The following SMG1 variants were observed in gnomAD, a reference collection of about 807,000 sequenced individuals.
The protein encoded by SMG1 is serine/threonine-protein kinase SMG1.
SMG1 carries 22 observed loss-of-function variants against 419.9 expected under a neutral mutation model. The ratio of observed to expected loss-of-function variants is 0.05; its 90% CI spans 0.04 to 0.07. The LOEUF is 0.07. SMG1 is among the 10% of genes least tolerant of loss of function. The pLI is 1.00. For missense variants in SMG1, 3,185 were observed against 4,342.0 expected (o/e 0.73, Z 7.49); for synonymous variants, 1,538 against 1,553.5 (o/e 0.99, Z 0.23).
chr16:18,852,177 T>C lies in SMG1; in HGVS notation c.4942A>G (p.Arg1648Gly). Residue 1648 changes from arginine to glycine, a missense_variant, in exon 33 of 63, where the codon AGA (arginine) becomes GGA (glycine). This residue lies in a region of SMG1 where 493 missense variants were observed against 552.9 expected (regional missense o/e 0.89). Coordinates refer to ENST00000446231, the MANE Select transcript of SMG1 (RefSeq NM_015092.5). ...SQGEGVRLLP[R>G]EKSEVQNLLP... ...AGATTCTGAACTTCAGATTTTTCTC[T>C]AGGCAGCAGACGAACACCTTCTCCC... The C allele has an allele frequency of 6.2e-7, 1 of 1,613,844 alleles. No individual in the cohort carries two copies. The highest frequency in any genetic ancestry group is 8.5e-7 in the Non-Finnish European group (1 of 1,179,838).
At chr16:18,828,694 T>C (rs1378097995) in intron 54 of SMG1, among the ~76,000 whole-genome samples, 1 of 152,156 alleles carries the variant, frequency 6.6e-6, no homozygotes, top group East Asian at 1.9e-4. Flanking sequence ...TATGAATGAA[T>C]TCAACATTAA....
intron 22 of SMG1, 131 bp from the exon 23 acceptor site, chr16:18,866,906 T>G: frequency 3.2e-6 from 2 of 634,416 alleles, no homozygotes; most frequent in Non-Finnish European, 5.5e-6. Flanking sequence ...AATTTTCACA[T>G]TATTTAGCTC....
intron 1 of SMG1, among the ~76,000 whole-genome samples, chr16:18,914,226 C>CTATAATAGG (rs1447884281): frequency 6.6e-6 from 1 of 151,308 alleles, no homozygotes; most frequent in Non-Finnish European, 1.5e-5. Flanking sequence ...CAAAAAAAGT[C>CTATAATAGG]TATAATAGGT....
intron 60 of SMG1, among the ~76,000 whole-genome samples, chr16:18,812,781 A>G (rs2031590280): frequency 2.6e-5 from 4 of 151,904 alleles, no homozygotes; most frequent in Admixed American, 1.3e-4. Context: ...TTAACTCTTC[A>G]TTTACATTAG....
chr16:18,901,250 G>T (rs936524243), intron 1 of SMG1, among the ~76,000 whole-genome samples: 28 of 152,022 alleles, frequency 1.8e-4, no homozygotes, highest in Admixed American at 5.2e-4. Flanking sequence ...TTGAGACAGG[G>T]TCTCACTCTG....
intron 41 of SMG1, among the ~76,000 whole-genome samples, chr16:18,841,051 C>A (rs1247173007): frequency 6.6e-6 from 1 of 152,086 alleles, no homozygotes; most frequent in Non-Finnish European, 1.5e-5. Context: ...CAGAGCAAGA[C>A]CCTGTCCCTT....
At chr16:18,865,797 G>C (rs887327230) in intron 23 of SMG1, among the ~76,000 whole-genome samples, 1 of 151,740 alleles carries the variant, frequency 6.6e-6, no homozygotes, top group Non-Finnish European at 1.5e-5. Flanking sequence ...CAAGTAGCTG[G>C]GATTACACGT....
chr16:18,864,296 A>G (rs2035378693), intron 23 of SMG1, among the ~76,000 whole-genome samples, 152 bp from the exon 24 acceptor site: 4 of 149,026 alleles, frequency 2.7e-5, no homozygotes, highest in Admixed American at 2.0e-4. Context: ...CCTGGGTACA[A>G]GCGATTTTCC....
At position 18,836,091 on chromosome 16, in the gene SMG1, C is replaced by A; in HGVS notation, c.7899G>T (p.Val2633=). ...GCAGTTGCTCCAGACAGCCACGGAG[C>A]ACGGAGCGCCTCTGCTGCAGGAGAG... The part of the protein sequence containing the change: ...VGALLQQRRS[V]LRGCLEQLHH... The change falls in exon 48 of 63, where the codon GTG becomes GTT. Residue 2633 remains valine, a synonymous_variant. Transcript: ENST00000446231. 6.2e-7 allele frequency: 1 copy of A among 1,608,648 alleles called. No individual in the cohort carries two copies. Among genetic ancestry groups the A allele is most frequent in the Non-Finnish European group, 8.5e-7 (1 of 1,177,532 alleles).
In SMG1 at chr16:18,841,670, T is replaced by C. The variant is rs748343000; in HGVS notation, c.6591A>G (p.Pro2197=). 7 of 1,613,870 alleles carry C rather than the reference T, an allele frequency of 4.3e-6. No individual in the cohort carries two copies. Among genetic ancestry groups the C allele is most frequent in the African/African-American group, 4.0e-5 (3 of 74,914 alleles). ...RFHARHYSVT[P]LGTRSGLIQW... is the part of the protein sequence containing the mutation. ...GGATTAGTCCTGATCTTGTTCCTAG[T>C]GGTGTTACAGAATAGTGTCGAGCAT... Residue 2197 remains proline (P), a synonymous_variant, in exon 41 of 63, where the codon CCA becomes CCG. Transcript: ENST00000446231.
At chr16:18,910,596 C>A (rs1471373880) in intron 1 of SMG1, among the ~76,000 whole-genome samples, 4 of 152,008 alleles carry the variant, frequency 2.6e-5, no homozygotes, top group Non-Finnish European at 4.4e-5. Flanking sequence ...AACTCCTGGG[C>A]TCAAGTGATC....
At chr16:18,901,179 T>C (rs1378189202) in intron 1 of SMG1, among the ~76,000 whole-genome samples, 1 of 152,190 alleles carries the variant, frequency 6.6e-6, no homozygotes, top group Non-Finnish European at 1.5e-5. Context: ...ACTACCTCAG[T>C]ATTAAGTGTC....
chr16:18,903,142 G>A (rs904108700), intron 1 of SMG1, among the ~76,000 whole-genome samples: 14 of 152,094 alleles, frequency 9.2e-5, no homozygotes, highest in African/African-American at 3.4e-4. Flanking sequence ...TTGTTTTTTA[G>A]TAACATTTCT....
In SMG1 at chr16:18,845,558, A is replaced by G; in HGVS notation, c.6090T>C (p.Ala2030=). The G allele has an allele frequency of 6.2e-7, 1 of 1,613,894 alleles. No homozygotes were observed. The highest frequency in any genetic ancestry group is 8.5e-7 in the Non-Finnish European group (1 of 1,179,882). Reference sequence around the variant, plus strand: ...ATTTTTCATGAGGTGTTTCTGCAGGAGCCGCTGTGATACTCCTCACATGCT... The same window carrying G: ...ATTTTTCATGAGGTGTTTCTGCAGGGGCCGCTGTGATACTCCTCACATGCT... The part of the protein sequence containing the change: ...ALEHVRSITA[A]PAETPHEKWF... Residue 2030 remains alanine (A), a synonymous_variant, in exon 39 of 63, where the codon GCT becomes GCC. Coordinates refer to ENST00000446231, the MANE Select transcript of SMG1 (RefSeq NM_015092.5).
chr16:18,914,896 G>A (rs1176303532), intron 1 of SMG1, among the ~76,000 whole-genome samples: 1 of 151,362 alleles, frequency 6.6e-6, no homozygotes, highest in Admixed American at 6.6e-5. Flanking sequence ...ATGTGCACAA[G>A]GTATTTTTCA....
intron 10 of SMG1, 42 bp from the exon 11 acceptor site, chr16:18,879,761 G>A (rs1371053221): frequency 6.5e-6 from 10 of 1,534,274 alleles, no homozygotes; most frequent in Non-Finnish European, 7.1e-6. Context: ...AAAAATTCAC[G>A]TGCTTCCACA....
intron 1 of SMG1, among the ~76,000 whole-genome samples, chr16:18,903,747 A>T (rs1367423406): frequency 1.3e-5 from 2 of 152,132 alleles, no homozygotes. Context: ...AGTACTGTCT[A>T]ATGTTTGAGC....
intron 1 of SMG1, among the ~76,000 whole-genome samples, chr16:18,908,930 T>C (rs148223167): frequency 1.4e-3 from 209 of 150,806 alleles, no homozygotes; most frequent in African/African-American, 5.0e-3. Flanking sequence ...CTCCTGAAAA[T>C]AGATAATAAC....
intron 28 of SMG1, 166 bp downstream of exon 28, chr16:18,858,856 T>G (rs1201152015): frequency 1.8e-6 from 1 of 567,520 alleles, no homozygotes; most frequent in Non-Finnish European, 3.0e-6. Flanking sequence ...ATCTGCCCCA[T>G]GTACTTCTCA....
Sources: allele counts gnomAD v4.1 joint callset (sites outside exome capture counted in the v4.1 genomes callset), GRCh38; gene constraint gnomAD v4.1.1; regional missense constraint gnomAD v4.1.1; transcripts MANE v1.5; gene names NCBI Gene and HGNC (gene_info 2026-07-23, HGNC 2026-07-21).